FBXO44: variants seen among roughly 807,000 people sequenced by gnomAD.
The protein encoded by FBXO44 is F-box only protein 44.
FBXO44 carries 25 observed loss-of-function variants against 33.5 expected under a neutral mutation model. That is an observed-to-expected ratio of 0.75 (90% CI 0.54 to 1.04). FBXO44 has a LOEUF of 1.04. FBXO44 is among the 50% of genes least tolerant of loss of function. FBXO44 has a pLI of 0.00. For missense variants in FBXO44, 311 were observed against 344.0 expected (o/e 0.90, Z 0.76); for synonymous variants, 147 against 152.8 (o/e 0.96, Z 0.28).
chr1:11,658,707 G>A, intron 4 of FBXO44, 29 bp from the exon 5 acceptor site: 1 of 1,613,356 alleles, frequency 6.2e-7, no homozygotes, highest in Non-Finnish European at 8.5e-7. Flanking sequence ...AATCTCCGAG[G>A]CCCTGATGGG....
In FBXO44 at chr1:11,658,683, C is replaced by T. The variant is rs572795365; in HGVS notation, c.489-53C>T. 3 of 1,608,056 alleles carry T rather than the reference C, an allele frequency of 1.9e-6. No individual in the cohort carries two copies. The Admixed American group carries it at 5.0e-5, about 27-fold the overall frequency. On this transcript the variant is annotated intron_variant, in intron 4 of 5. Coordinates refer to ENST00000251547, the MANE Select transcript of FBXO44 (RefSeq NM_033182.7). The stretch of plus-strand genomic sequence containing the variant: ...GGGCATGCCAATCAGGCGCCCCACC[C>T]CCGCCCTGCCCCCAATCTCCGAGGC...
chr1:11,657,816 AAT>A (rs2100628818), intron 2 of FBXO44, among the ~76,000 whole-genome samples: 1 of 152,278 alleles, frequency 6.6e-6, no homozygotes, highest in South Asian at 2.1e-4. Flanking sequence ...AAAACTATAC[AAT>A]AGAGATAGTA....
Position 11,662,517 on chromosome 1 carries a change from G to C in FBXO44, c.*1244G>C, listed in dbSNP as rs1640245929. 6.6e-6 allele frequency: 1 copy of C among 152,308 alleles called. No homozygotes were observed. The highest frequency in any genetic ancestry group is 1.5e-5 in the Non-Finnish European group (1 of 68,094). The allele number at this position is 152,308 out of a possible 1,614,324, so 9.4% of individuals were successfully genotyped here. On this transcript the variant is annotated 3_prime_UTR_variant, in exon 6 of 6. Coordinates refer to ENST00000251547, the MANE Select transcript of FBXO44 (RefSeq NM_033182.7). ...GCTTCCTCTGGAGGCCCAGCCACAG[G>C]CTGGGGTTGGGGTGTGTGGACATCT... is the stretch of plus-strand genomic sequence containing the variant.
In FBXO44 at chr1:11,658,053, A is replaced by C. The variant is rs548733550; in HGVS notation, c.266-214A>C. Among the ~76,000 whole-genome samples the C allele has an allele frequency of 3.9e-4, 60 of 152,194 alleles. 1 individual carries two copies. The South Asian group carries it at 6.4e-3, about 16-fold the overall frequency. The stretch of plus-strand genomic sequence containing the variant: ...AAGAGGTCTGGTCATTTCCATCACC[A>C]TGTGTCTCAGGGCCCCCAGGGAAGT... On this transcript the variant is annotated intron_variant, in intron 2 of 5. Coordinates refer to ENST00000251547, the MANE Select transcript of FBXO44 (RefSeq NM_033182.7).
At chr1:11,660,950 T>C (rs1307820474) in intron 5 of FBXO44, among the ~76,000 whole-genome samples, 180 bp from the exon 6 acceptor site, 1 of 143,202 alleles carries the variant, frequency 7.0e-6, no homozygotes, top group Non-Finnish European at 1.5e-5. Flanking sequence ...GCTAATTTTT[T>C]TTTTCTTGTA....
rs1639742981 is a variant in FBXO44, at chr1:11,655,835, C to T, written c.-1C>T. On this transcript the variant is annotated 5_prime_UTR_variant, in exon 2 of 6. Coordinates refer to ENST00000251547, the MANE Select transcript of FBXO44 (RefSeq NM_033182.7). ...AGGAGGGTGTCCAGAAGCCACAAGCCATGGCTGTGGGGAACATCAACGAGC... is the reference window on the plus strand; with the variant it reads ...AGGAGGGTGTCCAGAAGCCACAAGCTATGGCTGTGGGGAACATCAACGAGC... 1.9e-6 allele frequency: 3 copies of T among 1,613,222 alleles called. No homozygotes were observed. The African/African-American group carries it at 4.0e-5, about 22-fold the overall frequency.
intron 2 of FBXO44, among the ~76,000 whole-genome samples, chr1:11,656,741 G>C (rs936884717): frequency 6.6e-6 from 1 of 152,204 alleles, no homozygotes; most frequent in Non-Finnish European, 1.5e-5. Context: ...GGGATTACAC[G>C]CATGAGCCAC....
Position 11,658,227 on chromosome 1 carries a change from G to A in FBXO44, c.266-40G>A, listed in dbSNP as rs370171876. 12 of 1,609,442 alleles carry A rather than the reference G, an allele frequency of 7.5e-6. No individual in the cohort carries two copies. In the East Asian group the frequency reaches 2.0e-4, roughly 27 times the overall value. On this transcript the variant is annotated intron_variant, in intron 2 of 5. Transcript: ENST00000251547. ...GGGCATTTGGGAGAAGGCGGCCACTGAGGGGCTTCCCTTCAGTGTGAACTC... is the reference window on the plus strand; with the variant it reads ...GGGCATTTGGGAGAAGGCGGCCACTAAGGGGCTTCCCTTCAGTGTGAACTC...
At chr1:11,657,483 TA>T (rs1639883535) in intron 2 of FBXO44, among the ~76,000 whole-genome samples, 1 of 152,200 alleles carries the variant, frequency 6.6e-6, no homozygotes, top group Admixed American at 6.5e-5. Context: ...CTCACACCTG[TA>T]ATCCCAGCAC....
chr1:11,660,867 T>C (rs1439490434), intron 5 of FBXO44, among the ~76,000 whole-genome samples: 1 of 152,006 alleles, frequency 6.6e-6, no homozygotes, highest in Non-Finnish European at 1.5e-5. Context: ...CTCACTGCAG[T>C]CTTGAACTCC....
At chr1:11,657,511 G>A (rs1639885845) in intron 2 of FBXO44, among the ~76,000 whole-genome samples, 2 of 152,272 alleles carry the variant, frequency 1.3e-5, no homozygotes, top group South Asian at 4.1e-4. Flanking sequence ...AGGCCAAGGT[G>A]GGTGGATCAT....
upstream of FBXO44, chr1:11,654,694 G>T (rs1319161429): frequency 8.3e-6 from 2 of 240,160 alleles, no homozygotes; most frequent in Non-Finnish European, 1.6e-5. Context: ...GAGAGGCTGG[G>T]TCAGGCCGAG....
At chr1:11,659,203 C>A (rs41274542) in intron 5 of FBXO44, among the ~76,000 whole-genome samples, 7,188 of 152,284 alleles carry the variant, frequency 0.047, 208 homozygotes, top group South Asian at 0.086. Context: ...GCCTGACCAA[C>A]AGGGAGAAAC....
Position 11,661,544 on chromosome 1 carries a change from G to C in FBXO44, c.*271G>C, listed in dbSNP as rs1293986437. On this transcript the variant is annotated 3_prime_UTR_variant, in exon 6 of 6. Transcript: ENST00000251547. This position sits in a 1 kb window ranked among gnomAD's most constrained non-coding sequence, Gnocchi z 4.4. ...ACGGAGCACCTGAGATGTGGGAGGT[G>C]CAGCATGTTCCCCTGGGCCCCTCAG... The C allele has an allele frequency of 2.1e-6, 1 of 473,060 alleles. No individual in the cohort carries two copies. Among genetic ancestry groups the C allele is most frequent in the African/African-American group, 1.9e-5 (1 of 51,826 alleles). 29.3% of individuals were successfully genotyped at this position (473,060 alleles called of 1,614,324 possible). A position where few individuals can be genotyped will look rare whatever the true frequency, so the allele number is the denominator to read the frequency against.
chr1:11,660,747 CAG>C (rs1488480710), intron 5 of FBXO44, among the ~76,000 whole-genome samples: 1 of 152,174 alleles, frequency 6.6e-6, no homozygotes, highest in African/African-American at 2.4e-5. Flanking sequence ...GTGCCACACT[CAG>C]AGTCTGCTCC....
intron 5 of FBXO44, among the ~76,000 whole-genome samples, chr1:11,660,159 A>T (rs1193848810): frequency 6.6e-6 from 1 of 152,076 alleles, no homozygotes. Flanking sequence ...ATCTAATTTT[A>T]CTTAATTTTT....
Position 11,662,683 on chromosome 1 carries a change from G to T in FBXO44, c.*1410G>T, listed in dbSNP as rs1211034523. The T allele has an allele frequency of 6.6e-6, 1 of 152,274 alleles. No homozygotes were observed. The highest frequency in any genetic ancestry group is 2.1e-4 in the South Asian group (1 of 4,834). The allele number at this position is 152,274 out of a possible 1,614,324, so 9.4% of individuals were successfully genotyped here. A position where few individuals can be genotyped will look rare whatever the true frequency, so the allele number is the denominator to read the frequency against. On this transcript the variant is annotated 3_prime_UTR_variant, in exon 6 of 6. Transcript: ENST00000251547. ...GAATGGTGCCTGGCACACAGTTGGT[G>T]CGTGATATGGTTAAGCTTTGTGTCC...
At chr1:11,660,000 A>G (rs955017426) in intron 5 of FBXO44, among the ~76,000 whole-genome samples, 3 of 152,212 alleles carry the variant, frequency 2.0e-5, no homozygotes, top group Non-Finnish European at 4.4e-5. Context: ...TCGTTTGCCA[A>G]CCCCAGCCCT....
rs896663358 is a variant in FBXO44 at position 11,661,200 on chromosome 1, C to T, written c.695C>T (p.Thr232Ile). 7.4e-6 allele frequency: 12 copies of T among 1,614,198 alleles called. No individual in the cohort carries two copies. The South Asian group carries it at 9.9e-5, about 13-fold the overall frequency. Reference protein sequence around the residue: ...YIWFQHGGVDTHYWAGWYGPR... With the variant: ...YIWFQHGGVDIHYWAGWYGPR... ...TGGTTTCAGCACGGCGGCGTGGACA[C>T]TCATTACTGGGCCGGCTGGTACGGC... The change falls in exon 6 of 6, where the codon ACT (threonine) becomes ATT (isoleucine). Residue 232 changes from threonine to isoleucine, a missense_variant. Thr to Ile is a moderately conservative substitution (Grantham distance 89). Transcript: ENST00000251547. This position sits in a 1 kb window ranked among gnomAD's most constrained non-coding sequence, Gnocchi z 4.4.
Sources: allele counts gnomAD v4.1 joint callset (sites outside exome capture counted in the v4.1 genomes callset), GRCh38; gene constraint gnomAD v4.1.1; non-coding constraint Gnocchi (gnomAD v3.1); transcripts MANE v1.5; gene names NCBI Gene and HGNC (gene_info 2026-07-23, HGNC 2026-07-21).